SEC14L1: variants seen among roughly 807,000 people sequenced by gnomAD.
The protein encoded by SEC14L1 is SEC14-like protein 1.
In SEC14L1, 48 loss-of-function variants were observed where a neutral mutation model predicts 85.3. That is an observed-to-expected ratio of 0.56 (90% CI 0.45 to 0.72). The LOEUF is 0.72. Among genes scored for constraint, SEC14L1 ranks in the 30% least tolerant of loss-of-function variants. The probability of loss-of-function intolerance (pLI) is 0.00; values close to 1 mark genes in which losing one functional copy is unlikely to be tolerated. For missense variants in SEC14L1, 682 were observed against 921.4 expected (o/e 0.74, Z 3.36); for synonymous variants, 391 against 355.5 (o/e 1.10, Z -1.12).
chr17:77,135,571 C>A lies in SEC14L1; in HGVS notation c.-135-7075C>A, dbSNP rs1163656700. 2.6e-5 allele frequency among the ~76,000 whole-genome samples: 4 copies of A among 152,110 alleles called. No homozygotes were observed. The East Asian group carries it at 7.7e-4, about 29-fold the overall frequency. ...AGACAGTGTTGCTCTGTCTCTCAGG[C>A]TATCTCTCAGGCTGGAGTGCAGTGG... On this transcript the variant is annotated intron_variant, in intron 3 of 19. Coordinates refer to the SEC14L1 transcript ENST00000392476.
Position 77,213,241 on chromosome 17 carries a change from G to A in SEC14L1, c.1864-73G>A, listed in dbSNP as rs543337532. 2.0e-5 allele frequency: 27 copies of A among 1,322,478 alleles called. No homozygotes were observed. The African/African-American group carries it at 3.4e-4, about 16-fold the overall frequency. 81.9% of individuals were successfully genotyped at this position (1,322,478 alleles called of 1,614,324 possible). ...AAATCCTAAAGACAGTCCCCTTGGC[G>A]CTTGTCAGGCCTGTGGTAGGCCAGG... On this transcript the variant is annotated intron_variant, in intron 15 of 16. Transcript: ENST00000436233. The surrounding 1 kb of genome is among the most constrained non-coding windows in gnomAD (Gnocchi z 7.1).
chr17:77,214,542 G>A lies in SEC14L1; in HGVS notation c.*519G>A. 1 of 992,712 alleles carries A rather than the reference G, an allele frequency of 1.0e-6. No homozygotes were observed. The highest frequency in any genetic ancestry group is 1.2e-6 in the Non-Finnish European group (1 of 834,058). 61.5% of individuals were successfully genotyped at this position (992,712 alleles called of 1,614,324 possible). A position where few individuals can be genotyped will look rare whatever the true frequency, so the allele number is the denominator to read the frequency against. On this transcript the variant is annotated 3_prime_UTR_variant, in exon 17 of 17. Coordinates refer to ENST00000436233, the MANE Select transcript of SEC14L1 (RefSeq NM_001143998.2). ...TGTGGACTTAGGGCCAGCCCTTGAG[G>A]TCCTTATCCTCTGAGGATTCAGAGG...
In SEC14L1 at chr17:77,213,254, G is replaced by A. The variant is rs894935961; in HGVS notation, c.1864-60G>A. On this transcript the variant is annotated intron_variant, in intron 15 of 16. Transcript: ENST00000436233. The surrounding 1 kb of genome is among the most constrained non-coding windows in gnomAD (Gnocchi z 7.1). The stretch of plus-strand genomic sequence containing the variant: ...AGTCCCCTTGGCGCTTGTCAGGCCT[G>A]TGGTAGGCCAGGGGTCGGAAGCGAG... 1.2e-5 allele frequency: 18 copies of A among 1,456,172 alleles called. No individual in the cohort carries two copies. In the African/African-American group the frequency reaches 2.1e-4, roughly 17 times the overall value. 90.2% of individuals were successfully genotyped at this position (1,456,172 alleles called of 1,614,324 possible). A position where few individuals can be genotyped will look rare whatever the true frequency, so the allele number is the denominator to read the frequency against.
intron 3 of SEC14L1, among the ~76,000 whole-genome samples, chr17:77,155,904 G>A (rs1973793560): frequency 6.6e-6 from 1 of 152,124 alleles, no homozygotes; most frequent in Non-Finnish European, 1.5e-5. Flanking sequence ...TTAAGATGAG[G>A]TTCCCAGCTT....
chr17:77,120,468 C>G (rs1470921599), intron 3 of SEC14L1, among the ~76,000 whole-genome samples: 1 of 151,744 alleles, frequency 6.6e-6, no homozygotes, highest in African/African-American at 2.4e-5. Context: ...GTTTCTGATC[C>G]TTCTCTCCAC....
chr17:77,187,159 C>T (rs906056884), intron 3 of SEC14L1, among the ~76,000 whole-genome samples: 3 of 152,066 alleles, frequency 2.0e-5, no homozygotes, highest in Admixed American at 6.5e-5. Context: ...TCCCAAGATC[C>T]GAAAAAATTC....
At chr17:77,207,768 A>G (rs1157117247) in intron 13 of SEC14L1, among the ~76,000 whole-genome samples, 2 of 152,236 alleles carry the variant, frequency 1.3e-5, no homozygotes, top group Non-Finnish European at 1.5e-5. Flanking sequence ...ACATTTTTAA[A>G]GTAAAAAAAC....
chr17:77,142,849 A>G (rs1479774856), intron 2 of SEC14L1, 99 bp downstream of exon 2: 1 of 152,266 alleles, frequency 6.6e-6, no homozygotes, highest in Non-Finnish European at 1.5e-5. Flanking sequence ...GGCTGGCGCT[A>G]GAGAATGATT....
At chr17:77,166,561 C>T (rs538684877) in intron 3 of SEC14L1, among the ~76,000 whole-genome samples, 3 of 152,044 alleles carry the variant, frequency 2.0e-5, no homozygotes, top group Non-Finnish European at 2.9e-5. Flanking sequence ...TATTAAGGGC[C>T]GGGTGCAGTG....
Position 77,145,625 on chromosome 17 carries a change from CTT to C in SEC14L1, c.63+1969_63+1970del, listed in dbSNP as rs1442463772. Reference sequence around the variant, plus strand: ...TTGCATGTTATCTGTGCTGTTTTGGCTTTTGGTTGTATGAGGCAAAGACCCAC... The same window carrying C: ...TTGCATGTTATCTGTGCTGTTTTGGCTTGGTTGTATGAGGCAAAGACCCAC... On this transcript the variant is annotated intron_variant, in intron 3 of 16. Transcript: ENST00000436233. Among the ~76,000 whole-genome samples, 4 of 152,114 alleles carry C rather than the reference CTT, an allele frequency of 2.6e-5. No homozygotes were observed. The South Asian group carries it at 8.3e-4, about 32-fold the overall frequency.
At chr17:77,167,436 G>C (rs1946844261) in intron 3 of SEC14L1, among the ~76,000 whole-genome samples, 2 of 152,162 alleles carry the variant, frequency 1.3e-5, no homozygotes, top group African/African-American at 2.4e-5. Context: ...CGCCTGGCCA[G>C]TTTTCTTATA....
chr17:77,148,250 A>T (rs1034823325), intron 3 of SEC14L1, among the ~76,000 whole-genome samples: 5 of 151,866 alleles, frequency 3.3e-5, no homozygotes, highest in African/African-American at 1.2e-4. Context: ...CCTTAAGGAG[A>T]GTTGTGGGAG....
Position 77,215,714 on chromosome 17 carries a change from G to T in SEC14L1, c.*1691G>T, listed in dbSNP as rs118002927. ...TGAAGCCTTTGCTTCCGGAAAGCGC[G>T]GTAGGGTTCGTAGGTAGGGCTAGTA... On this transcript the variant is annotated 3_prime_UTR_variant, in exon 17 of 17. Transcript: ENST00000436233. The T allele has an allele frequency of 2.0e-6, 2 of 992,556 alleles. No individual in the cohort carries two copies. The highest frequency in any genetic ancestry group is 2.4e-6 in the Non-Finnish European group (2 of 834,122). The allele number at this position is 992,556 out of a possible 1,614,324, so 61.5% of individuals were successfully genotyped here. A position where few individuals can be genotyped will look rare whatever the true frequency, so the allele number is the denominator to read the frequency against.
intron 3 of SEC14L1, among the ~76,000 whole-genome samples, chr17:77,148,281 C>T (rs531818988): frequency 3.9e-5 from 6 of 152,124 alleles, no homozygotes; most frequent in Non-Finnish European, 7.4e-5. Flanking sequence ...ACATGAGAGG[C>T]CACCTTCTGA....
At chr17:77,149,029 T>G (rs543434703) in intron 3 of SEC14L1, among the ~76,000 whole-genome samples, 20 of 152,224 alleles carry the variant, frequency 1.3e-4, no homozygotes, top group Admixed American at 1.0e-3. Flanking sequence ...CAGACTTCTT[T>G]GCCTCAGATG....
chr17:77,125,837 G>A (rs1369124683), intron 3 of SEC14L1, among the ~76,000 whole-genome samples: 1 of 152,124 alleles, frequency 6.6e-6, no homozygotes, highest in Non-Finnish European at 1.5e-5. Flanking sequence ...AGAACAAAAA[G>A]CCAAAGAACT....
At chr17:77,100,015 A>G (rs1367777207) in intron 3 of SEC14L1, among the ~76,000 whole-genome samples, 1 of 152,250 alleles carries the variant, frequency 6.6e-6, no homozygotes, top group Admixed American at 6.5e-5. Flanking sequence ...AATTCATAGA[A>G]CTAAAAGGCT....
At chr17:77,140,232 C>T (rs1416357946), upstream of SEC14L1, among the ~76,000 whole-genome samples, 1 of 152,232 alleles carries the variant, frequency 6.6e-6, no homozygotes, top group Non-Finnish European at 1.5e-5. Flanking sequence ...AGCAGCCCCA[C>T]CTTGGCACCC....
At chr17:77,167,845 G>A (rs985166134) in intron 3 of SEC14L1, among the ~76,000 whole-genome samples, 6 of 152,164 alleles carry the variant, frequency 3.9e-5, no homozygotes, top group Non-Finnish European at 5.9e-5. Flanking sequence ...ACAAGTAAGC[G>A]GTGCTGAAGA....
Sources: allele counts gnomAD v4.1 joint callset (sites outside exome capture counted in the v4.1 genomes callset), GRCh38; gene constraint gnomAD v4.1.1; non-coding constraint Gnocchi (gnomAD v3.1); transcripts MANE v1.5; gene names NCBI Gene and HGNC (gene_info 2026-07-23, HGNC 2026-07-21).